The following TMEM40 variants were observed in gnomAD, a reference collection of about 807,000 sequenced individuals.
TMEM40 encodes transmembrane protein 40.
TMEM40 carries 34 observed loss-of-function variants against 40.8 expected under a neutral mutation model. The observed-to-expected ratio is 0.83, with a 90% CI of 0.63 to 1.11. The LOEUF (loss-of-function observed/expected upper bound fraction) is 1.11. TMEM40 is among the 50% of genes least tolerant of loss of function. The probability of loss-of-function intolerance (pLI) is 0.00; values close to 1 mark genes in which losing one functional copy is unlikely to be tolerated. For missense variants in TMEM40, 296 were observed against 280.2 expected, an observed-to-expected ratio of 1.06 and a Z score of -0.40; for synonymous variants, 106 against 107.0, an observed-to-expected ratio of 0.99 and a Z score of 0.06.
intron 1 of TMEM40, among the ~76,000 whole-genome samples, chr3:12,757,495 C>G (rs1271031759): frequency 1.3e-5 from 2 of 151,370 alleles, no homozygotes; most frequent in Non-Finnish European, 2.9e-5. Flanking sequence ...AAAGATGCTC[C>G]ACATCATTAG....
At chr3:12,754,114 C>T (rs1450404627) in intron 1 of TMEM40, among the ~76,000 whole-genome samples, 1 of 152,210 alleles carries the variant, frequency 6.6e-6, no homozygotes, top group Non-Finnish European at 1.5e-5. Context: ...AGATCGAGAC[C>T]ATCCTGGCTA....
At chr3:12,736,439 C>A (rs938975469) in intron 10 of TMEM40, 139 bp downstream of exon 10, 2 of 1,036,006 alleles carry the variant, frequency 1.9e-6, no homozygotes, top group Non-Finnish European at 1.4e-6. Flanking sequence ...CGTAAGCCAC[C>A]GCGCCTGGCC....
chr3:12,748,154 T>C (rs780497209), intron 3 of TMEM40, among the ~76,000 whole-genome samples: 3 of 152,152 alleles, frequency 2.0e-5, no homozygotes, highest in Admixed American at 6.6e-5. Context: ...ACGAATTTCA[T>C]CCTCACAAGA....
chr3:12,767,686 C>G (rs1368676513), intron 1 of TMEM40, among the ~76,000 whole-genome samples: 1 of 152,166 alleles, frequency 6.6e-6, no homozygotes, highest in Non-Finnish European at 1.5e-5. Flanking sequence ...GCAGGGGCCC[C>G]AGAAGGTGGT....
chr3:12,749,967 C>T (rs1553633552), intron 1 of TMEM40, 127 bp from the exon 2 acceptor site: 2 of 957,764 alleles, frequency 2.1e-6, no homozygotes, highest in Admixed American at 5.6e-5. Context: ...AAATAATTAA[C>T]AAAAAAAATG....
intron 5 of TMEM40, 31 bp downstream of exon 5, chr3:12,742,422 GT>G (rs752661060): frequency 1.2e-6 from 2 of 1,608,696 alleles, no homozygotes; most frequent in African/African-American, 1.3e-5. Context: ...TCGTCTAATT[GT>G]TTTCTCCAAA....
At chr3:12,744,188 G>C (rs1490137256) in intron 3 of TMEM40, among the ~76,000 whole-genome samples, 199 bp from the exon 4 acceptor site, 3 of 152,158 alleles carry the variant, frequency 2.0e-5, no homozygotes, top group Non-Finnish European at 2.9e-5. Context: ...TAATATTTCT[G>C]TTGATTTCGT....
intron 5 of TMEM40, chr3:12,739,242 T>A (rs1431736042): frequency 2.0e-5 from 3 of 152,228 alleles, no homozygotes; most frequent in Non-Finnish European, 2.9e-5. Flanking sequence ...TACTACTATG[T>A]AAGAAAAGCC....
In TMEM40 at chr3:12,734,453, C is replaced by G. The variant is rs2061323725; in HGVS notation, c.*321G>C. The G allele has an allele frequency of 2.8e-6, 1 of 363,178 alleles. No individual in the cohort carries two copies. The highest frequency in any genetic ancestry group is 4.6e-5 in the East Asian group (1 of 21,784). 22.5% of individuals were successfully genotyped at this position (363,178 alleles called of 1,614,324 possible). ...CCCAGACAGATCACAGCTTGCAGAG[C>G]TCAGGGTCCCTTGCTGTCCTCTGAG... On this transcript the variant is annotated 3_prime_UTR_variant, in exon 12 of 12. Transcript: ENST00000314124.
chr3:12,749,903 G>A, intron 1 of TMEM40, 63 bp from the exon 2 acceptor site: 1 of 1,421,372 alleles, frequency 7.0e-7, no homozygotes, highest in Non-Finnish European at 9.7e-7. Context: ...TATACAAAGA[G>A]CTTGGCAAAT....
intron 4 of TMEM40, 116 bp from the exon 5 acceptor site, chr3:12,742,623 G>T: frequency 8.2e-7 from 1 of 1,212,924 alleles, no homozygotes; most frequent in Non-Finnish European, 1.2e-6. Flanking sequence ...TGGAGGTGAG[G>T]TGGGGGGCAG....
intron 5 of TMEM40, among the ~76,000 whole-genome samples, chr3:12,741,955 G>C (rs2061386082): frequency 6.6e-6 from 1 of 152,140 alleles, no homozygotes; most frequent in East Asian, 1.9e-4. Context: ...AAATTGGCCG[G>C]GCGCGGTGGC....
At chr3:12,740,904 C>G (rs895236893) in intron 5 of TMEM40, among the ~76,000 whole-genome samples, 5 of 152,032 alleles carry the variant, frequency 3.3e-5, no homozygotes, top group Non-Finnish European at 7.4e-5. Context: ...CCCTGCCCCC[C>G]AAAAAACCAT....
At chr3:12,753,470 C>T (rs9856869) in intron 1 of TMEM40, among the ~76,000 whole-genome samples, 2,100 of 152,076 alleles carry the variant, frequency 0.014, 48 homozygotes, top group African/African-American at 0.048. Context: ...GTGATCCTCC[C>T]GCCTTGGTCT....
At chr3:12,741,627 T>C (rs940515592) in intron 5 of TMEM40, among the ~76,000 whole-genome samples, 2 of 152,242 alleles carry the variant, frequency 1.3e-5, no homozygotes, top group Non-Finnish European at 2.9e-5. Flanking sequence ...ACAGTGAATA[T>C]GAATTACTTA....
chr3:12,733,810 AG>A lies in TMEM40; in HGVS notation c.*963del, dbSNP rs2106602166. On this transcript the variant is annotated 3_prime_UTR_variant, in exon 12 of 12. Coordinates refer to ENST00000314124, the MANE Select transcript of TMEM40 (RefSeq NM_018306.4). ...TCTCATCATAAAAAAAGGGTATGTG[AG>A]GGATACATATGTTAATTAGCTTGAT... is the stretch of plus-strand genomic sequence containing the variant. The A allele has an allele frequency of 6.6e-6, 1 of 152,202 alleles. No individual in the cohort carries two copies. The highest frequency in any genetic ancestry group is 2.1e-4 in the South Asian group (1 of 4,820). The allele number at this position is 152,202 out of a possible 1,614,324, so 9.4% of individuals were successfully genotyped here.
chr3:12,735,719 T>A, intron 10 of TMEM40, 102 bp from the exon 11 acceptor site: 1 of 927,028 alleles, frequency 1.1e-6, no homozygotes, highest in Non-Finnish European at 1.7e-6. Flanking sequence ...AAAGCTCTGA[T>A]GGTGGAACTT....
chr3:12,764,889 T>G (rs1249863031), intron 1 of TMEM40, among the ~76,000 whole-genome samples: 2 of 152,206 alleles, frequency 1.3e-5, no homozygotes, highest in East Asian at 3.8e-4. Flanking sequence ...TGTTTTTTTT[T>G]GAGACAGAGT....
At chr3:12,736,945 C>T in intron 8 of TMEM40, 110 bp from the exon 9 acceptor site, 1 of 1,351,156 alleles carries the variant, frequency 7.4e-7, no homozygotes. Context: ...GTTGTGCGAT[C>T]CCAGCTCATT....
Sources: allele counts gnomAD v4.1 joint callset (sites outside exome capture counted in the v4.1 genomes callset), GRCh38; gene constraint gnomAD v4.1.1; transcripts MANE v1.5; gene names NCBI Gene and HGNC (gene_info 2026-07-23, HGNC 2026-07-21).